Variants in EHMT1 observed in about 807,000 individuals in gnomAD.
EHMT1 encodes the protein euchromatic histone lysine methyltransferase 1.
In EHMT1, 15 loss-of-function variants were observed where a neutral mutation model predicts 147.2. The ratio of observed to expected loss-of-function variants is 0.10; its 90% confidence interval spans 0.07 to 0.16. EHMT1 has a LOEUF of 0.16. Ranked by LOEUF, EHMT1 falls within the 10% of genes least tolerant of loss-of-function variation. The pLI is 1.00. For missense variants in EHMT1, 1,587 were observed against 1,772.4 expected (o/e 0.90, Z 1.88); for synonymous variants, 795 against 709.6 (o/e 1.12, Z -1.91).
At chr9:137,789,449 G>A (rs552935788) in intron 15 of EHMT1, among the ~76,000 whole-genome samples, 130 of 152,346 alleles carry the variant, frequency 8.5e-4, no homozygotes, top group Non-Finnish European at 1.6e-3. Context: ...CACGGGCCTC[G>A]CTCTCTACCT....
At chr9:137,622,526 CT>C (rs1266312933) in intron 1 of EHMT1, among the ~76,000 whole-genome samples, 1 of 152,148 alleles carries the variant, frequency 6.6e-6, no homozygotes, top group East Asian at 1.9e-4. Context: ...TATTCACCAA[CT>C]TTAGGGGTCG....
intron 3 of EHMT1, among the ~76,000 whole-genome samples, chr9:137,719,744 C>T (rs566663298): frequency 3.9e-5 from 6 of 152,170 alleles, no homozygotes; most frequent in African/African-American, 1.2e-4. Context: ...CCTGTGTGCA[C>T]GTGCATCACG....
At chr9:137,711,082 A>AT in intron 2 of EHMT1, 52 bp downstream of exon 2, 1 of 1,531,284 alleles carries the variant, frequency 6.5e-7, no homozygotes, top group Non-Finnish European at 8.8e-7. Context: ...TCCAGACTAG[A>AT]AAACCTGCTG....
intron 6 of EHMT1, chr9:137,746,914 A>C (rs1948587903): frequency 6.6e-6 from 1 of 152,130 alleles, no homozygotes; most frequent in Non-Finnish European, 1.5e-5. Context: ...TAAAACATTA[A>C]ATGACTGTCA....
At chr9:137,833,878 G>A (rs1481691332) in intron 25 of EHMT1, among the ~76,000 whole-genome samples, 1 of 152,240 alleles carries the variant, frequency 6.6e-6, no homozygotes, top group African/African-American at 2.4e-5. Context: ...ACCCTCTGGG[G>A]ACTGCTCCGC....
At chr9:137,733,800 C>T (rs2135885677) in intron 4 of EHMT1, among the ~76,000 whole-genome samples, 1 of 152,268 alleles carries the variant, frequency 6.6e-6, no homozygotes, top group African/African-American at 2.4e-5. Flanking sequence ...ACATTAAAGA[C>T]TAGGATATTC....
chr9:137,624,860 C>G (rs1311790266), intron 1 of EHMT1, among the ~76,000 whole-genome samples: 1 of 151,860 alleles, frequency 6.6e-6, no homozygotes, highest in Non-Finnish European at 1.5e-5. Context: ...GCATGATCCA[C>G]CGAGCCTGGC....
At chr9:137,694,793 C>T (rs893089157) in intron 1 of EHMT1, among the ~76,000 whole-genome samples, 1 of 152,148 alleles carries the variant, frequency 6.6e-6, no homozygotes, top group African/African-American at 2.4e-5. Context: ...CTTGACCCGG[C>T]GAATCTCCTG....
In EHMT1 at chr9:137,775,028, C is replaced by T; in HGVS notation, c.1648-81C>T. ...CACCTGCTGAGCAGCTCTTGTGTGC[C>T]TGCACTGCCCAGCGCCTGGTGGGAG... On this transcript the variant is annotated intron_variant, in intron 10 of 26. Transcript: ENST00000460843. The surrounding 1 kb of genome is among the most constrained non-coding windows in gnomAD (Gnocchi z 6.1). 1 of 1,597,576 alleles carries T rather than the reference C, an allele frequency of 6.3e-7. No homozygotes were observed. The highest frequency in any genetic ancestry group is 8.6e-7 in the Non-Finnish European group (1 of 1,166,992).
At chr9:137,625,083 T>C (rs541271324) in intron 1 of EHMT1, among the ~76,000 whole-genome samples, 3 of 151,768 alleles carry the variant, frequency 2.0e-5, no homozygotes, top group South Asian at 2.1e-4. Context: ...GGTTTCGCCA[T>C]ATTGGCTGGG....
chr9:137,772,059 G>A (rs1950621254), intron 10 of EHMT1, among the ~76,000 whole-genome samples: 2 of 152,002 alleles, frequency 1.3e-5, no homozygotes, highest in Admixed American at 1.3e-4. Flanking sequence ...GTGGGCACTG[G>A]GTATTAAATT....
chr9:137,665,240 A>G (rs1349774376), intron 1 of EHMT1, among the ~76,000 whole-genome samples: 1 of 152,218 alleles, frequency 6.6e-6, no homozygotes, highest in East Asian at 1.9e-4. Context: ...TTGTATTAAG[A>G]GCTACAAACA....
chr9:137,639,019 G>T (rs984559851), intron 1 of EHMT1, among the ~76,000 whole-genome samples: 2 of 152,094 alleles, frequency 1.3e-5, no homozygotes, highest in Non-Finnish European at 2.9e-5. Flanking sequence ...GAAAAAACAG[G>T]CTGCTTCCTA....
At chr9:137,802,378 G>A (rs1564791300) in intron 18 of EHMT1, 4 of 398,626 alleles carry the variant, frequency 1.0e-5, no homozygotes, top group South Asian at 2.5e-4. Context: ...GGGAGGTGCT[G>A]TAGCCCACAG....
At chr9:137,677,299 A>G (rs1941454697) in intron 1 of EHMT1, among the ~76,000 whole-genome samples, 1 of 151,450 alleles carries the variant, frequency 6.6e-6, no homozygotes, top group Non-Finnish European at 1.5e-5. Flanking sequence ...TGTCTGGCTA[A>G]CTTTTGTATT....
At chr9:137,659,163 C>G (rs1258716039) in intron 1 of EHMT1, among the ~76,000 whole-genome samples, 2 of 151,546 alleles carry the variant, frequency 1.3e-5, no homozygotes, top group African/African-American at 4.9e-5. Flanking sequence ...GTTTTCCTCC[C>G]AAAACATAAT....
At chr9:137,815,912 C>T (rs770223216) in intron 22 of EHMT1, 35 bp from the exon 23 acceptor site, 14 of 1,529,144 alleles carry the variant, frequency 9.2e-6, no homozygotes, top group Admixed American at 3.7e-5. Flanking sequence ...GAGTGAGTAA[C>T]CTCTGCTGGG....
intron 18 of EHMT1, chr9:137,803,102 C>T: frequency 1.6e-6 from 2 of 1,229,308 alleles, no homozygotes; most frequent in South Asian, 4.3e-5. Context: ...GGGCAGTTTG[C>T]AGCCTGTCCA....
rs188424756 is a variant in EHMT1, at chr9:137,635,591, T to C, written c.21+16542T>C. Among the ~76,000 whole-genome samples the C allele has an allele frequency of 8.2e-3, 1,231 of 151,034 alleles. 14 individuals are homozygous for C. The highest frequency in any genetic ancestry group is 0.021 in the African/African-American group (872 of 41,312). ...ATCCCAGCACTTTGGGAGGCCGAGG[T>C]GGGTGGATCACGAGGTCAGGAGATC... On this transcript the variant is annotated intron_variant, in intron 1 of 26. Coordinates refer to ENST00000460843, the MANE Select transcript of EHMT1 (RefSeq NM_024757.5).
Sources: allele counts gnomAD v4.1 joint callset (sites outside exome capture counted in the v4.1 genomes callset), GRCh38; gene constraint gnomAD v4.1.1; non-coding constraint Gnocchi (gnomAD v3.1); transcripts MANE v1.5; gene names NCBI Gene and HGNC (gene_info 2026-07-23, HGNC 2026-07-21).